The following ZCCHC4 variants were observed in gnomAD, a reference collection of about 807,000 sequenced individuals.
ZCCHC4 encodes the protein zinc finger CCHC-type containing 4.
Under a neutral mutation model 67.7 loss-of-function variants are expected in ZCCHC4, and 54 were observed. That is an observed-to-expected ratio of 0.80 (90% CI 0.64 to 1.00). The LOEUF (loss-of-function observed/expected upper bound fraction) is 1.00, where lower values mean the gene tolerates loss of function less well. Ranked by LOEUF, ZCCHC4 falls within the 50% of genes least tolerant of loss-of-function variation. The pLI is 0.00. For synonymous variants in ZCCHC4, 198 were observed against 213.5 expected (o/e 0.93, Z 0.63); for missense variants, 609 against 617.0 (o/e 0.99, Z 0.14).
intron 10 of ZCCHC4, 87 bp downstream of exon 10, chr4:25,362,388 T>G: frequency 3.5e-6 from 3 of 846,266 alleles, no homozygotes; most frequent in Non-Finnish European, 5.2e-6. Flanking sequence ...CAATGTTATT[T>G]TGTTAATAGG....
intron 6 of ZCCHC4, among the ~76,000 whole-genome samples, chr4:25,346,170 G>A (rs764545289): frequency 6.6e-6 from 1 of 151,882 alleles, no homozygotes; most frequent in Admixed American, 6.6e-5. Flanking sequence ...GGGAGTGTAC[G>A]GAAAATCTCT....
chr4:25,366,825 G>C lies in ZCCHC4; in HGVS notation c.1406+1659G>C, dbSNP rs542583521. On this transcript the variant is annotated intron_variant, in intron 12 of 12. Transcript: ENST00000302874. ...TAGGCCCTTCATTGCTTCCTAAATA[G>C]CCTCAGCTAGTGTGTTTGGCACTAA... Among the ~76,000 whole-genome samples the C allele has an allele frequency of 5.9e-4, 89 of 152,026 alleles. No individual in the cohort carries two copies. In the Middle Eastern group the frequency reaches 0.01, roughly 17 times the overall value.
At chr4:25,368,779 G>A (rs866102142) in intron 12 of ZCCHC4, among the ~76,000 whole-genome samples, 1 of 152,106 alleles carries the variant, frequency 6.6e-6, no homozygotes, top group East Asian at 1.9e-4. Flanking sequence ...TGTTTGCCCC[G>A]GACAGCTTGT....
intron 3 of ZCCHC4, among the ~76,000 whole-genome samples, chr4:25,327,406 C>T (rs896105897): frequency 1.5e-5 from 2 of 132,790 alleles, no homozygotes; most frequent in Admixed American, 7.4e-5. Context: ...CCCTCCTTCC[C>T]TCCTTCCCTC....
At chr4:25,348,246 C>G (rs1720115501) in intron 6 of ZCCHC4, among the ~76,000 whole-genome samples, 1 of 152,180 alleles carries the variant, frequency 6.6e-6, no homozygotes, top group Admixed American at 6.5e-5. Context: ...AATGAAGACT[C>G]TCCTAGGGAG....
At position 25,361,923 on chromosome 4, in the gene ZCCHC4, G is replaced by A. The variant is rs145596286; in HGVS notation, c.1076G>A (p.Arg359His). 15 of 1,613,834 alleles carry A rather than the reference G, an allele frequency of 9.3e-6. No individual in the cohort carries two copies. Among genetic ancestry groups the A allele is most frequent in the Admixed American group, 6.7e-5 (4 of 59,996 alleles). The change falls in exon 9 of 13, where the codon CGT (arginine) becomes CAT (histidine). Residue 359 changes from arginine to histidine, a missense_variant. Coordinates refer to ENST00000302874, the MANE Select transcript of ZCCHC4 (RefSeq NM_024936.3). ...GKTGRKQSPVRIFTNIPPNKI... is the reference protein window; with the variant it reads ...GKTGRKQSPVHIFTNIPPNKI... ...ACAGGTCGAAAACAGTCTCCCGTGC[G>A]TATTTTCACCAACATTCCGCCCAAC...
chr4:25,349,574 G>T lies in ZCCHC4; in HGVS notation c.842G>T (p.Gly281Val). 1 of 1,614,052 alleles carries T rather than the reference G, an allele frequency of 6.2e-7. No individual in the cohort carries two copies. ...IIMVTDPPFGGLVEPLAITFK... is the reference protein window; with the variant it reads ...IIMVTDPPFGVLVEPLAITFK... Reference sequence around the variant, plus strand: ...ATGGTGACGGATCCTCCGTTTGGTGGCTTGGTTGAACCTCTGGCTATTACA... The same window carrying T: ...ATGGTGACGGATCCTCCGTTTGGTGTCTTGGTTGAACCTCTGGCTATTACA... The change falls in exon 7 of 13, where the codon GGC (glycine) becomes GTC (valine). Residue 281 changes from glycine (G) to valine (V), a missense_variant. Physicochemically the swap from Gly to Val is moderately radical, Grantham distance 109. Transcript: ENST00000302874.
At chr4:25,350,257 T>C (rs1011445501) in intron 7 of ZCCHC4, among the ~76,000 whole-genome samples, 2 of 136,804 alleles carry the variant, frequency 1.5e-5, no homozygotes, top group African/African-American at 2.9e-5. Flanking sequence ...ACTGCTTCTT[T>C]TTTTTTTTTT....
intron 6 of ZCCHC4, 38 bp from the exon 7 acceptor site, chr4:25,349,454 C>T (rs1371248609): frequency 6.2e-7 from 1 of 1,604,420 alleles, no homozygotes; most frequent in Non-Finnish European, 8.5e-7. Flanking sequence ...GTGCCTCTCT[C>T]TAGTCCTAAT....
intron 3 of ZCCHC4, among the ~76,000 whole-genome samples, chr4:25,319,007 G>T (rs1208102875): frequency 6.6e-6 from 1 of 152,136 alleles, no homozygotes; most frequent in African/African-American, 2.4e-5. Flanking sequence ...CATTTAAAAT[G>T]CTAGTAATGG....
chr4:25,345,354 A>G (rs1338915850), intron 5 of ZCCHC4, among the ~76,000 whole-genome samples, 194 bp from the exon 6 acceptor site: 2 of 152,246 alleles, frequency 1.3e-5, no homozygotes, highest in African/African-American at 4.8e-5. Context: ...GGTTAATTAA[A>G]CATGGGAAAA....
At chr4:25,332,935 A>T (rs1361022131) in intron 3 of ZCCHC4, among the ~76,000 whole-genome samples, 1 of 152,200 alleles carries the variant, frequency 6.6e-6, no homozygotes, top group Non-Finnish European at 1.5e-5. Flanking sequence ...ATGGATATTG[A>T]TCTTCATTCA....
chr4:25,332,129 G>A (rs553686079), intron 3 of ZCCHC4, among the ~76,000 whole-genome samples: 3 of 152,158 alleles, frequency 2.0e-5, no homozygotes, highest in Middle Eastern at 3.4e-3. Flanking sequence ...CCAACATGGT[G>A]AAACCCTGTC....
intron 3 of ZCCHC4, among the ~76,000 whole-genome samples, chr4:25,316,102 T>C (rs1718248000): frequency 6.6e-6 from 1 of 152,236 alleles, no homozygotes. Flanking sequence ...GTCTGGCTTA[T>C]TTTACTTAGC....
chr4:25,315,412 G>GTGTCATTTTTCTTTATTAGTTTAGC lies in ZCCHC4; in HGVS notation c.329+23_329+47dup. ...CAGTGTGTGGAAAGGTACTGATGCAGTGTCATTTTTCTTTATTAGTTTAGC... is the reference window on the plus strand; with the variant it reads ...CAGTGTGTGGAAAGGTACTGATGCAGTGTCATTTTTCTTTATTAGTTTAGCTGTCATTTTTCTTTATTAGTTTAGC... On this transcript the variant is annotated intron_variant, in intron 3 of 12. Transcript: ENST00000302874. 1 of 1,569,934 alleles carries GTGTCATTTTTCTTTATTAGTTTAGC rather than the reference G, an allele frequency of 6.4e-7. No individual in the cohort carries two copies. Among genetic ancestry groups the GTGTCATTTTTCTTTATTAGTTTAGC allele is most frequent in the Non-Finnish European group, 8.6e-7 (1 of 1,159,298 alleles).
rs1419523583 is a variant in ZCCHC4 at position 25,370,032 on chromosome 4, T to C, written c.*868T>C. 6.6e-6 allele frequency: 1 copy of C among 152,202 alleles called. No individual in the cohort carries two copies. The highest frequency in any genetic ancestry group is 2.4e-5 in the African/African-American group (1 of 41,466). The allele number at this position is 152,202 out of a possible 1,614,324, so 9.4% of individuals were successfully genotyped here. On this transcript the variant is annotated 3_prime_UTR_variant, in exon 13 of 13. Coordinates refer to ENST00000302874, the MANE Select transcript of ZCCHC4 (RefSeq NM_024936.3). ...TATAATTACATTATTATTAAATATT[T>C]ATTCTTCAAGTACTTTTTGCAGTTG... is the stretch of plus-strand genomic sequence containing the variant.
chr4:25,347,470 C>T (rs566831952), intron 6 of ZCCHC4, among the ~76,000 whole-genome samples: 1 of 152,306 alleles, frequency 6.6e-6, no homozygotes, highest in African/African-American at 2.4e-5. Flanking sequence ...CTCAGGCTTT[C>T]CTTACTCTAT....
intron 3 of ZCCHC4, among the ~76,000 whole-genome samples, chr4:25,316,245 G>A (rs538606561): frequency 6.6e-6 from 1 of 152,296 alleles, no homozygotes; most frequent in Non-Finnish European, 1.5e-5. Context: ...CACTTGGGCT[G>A]TGTCTACTTT....
chr4:25,356,773 TA>T (rs1018719165), intron 8 of ZCCHC4, among the ~76,000 whole-genome samples: 1 of 152,088 alleles, frequency 6.6e-6, no homozygotes, highest in Non-Finnish European at 1.5e-5. Flanking sequence ...AGGAGTGCAT[TA>T]GGGGAAACAT....
Sources: allele counts gnomAD v4.1 joint callset (sites outside exome capture counted in the v4.1 genomes callset), GRCh38; gene constraint gnomAD v4.1.1; transcripts MANE v1.5; gene names NCBI Gene and HGNC (gene_info 2026-07-23, HGNC 2026-07-21).